Variants in NHS observed in about 807,000 individuals in gnomAD.
NHS encodes the protein actin remodeling regulator NHS.
NHS carries 5 observed loss-of-function variants against 72.5 expected under a neutral mutation model. That is an observed-to-expected ratio of 0.07 (90% CI 0.04 to 0.14). The LOEUF is 0.14. NHS is among the 10% of genes least tolerant of loss of function. The pLI is 1.00. For missense variants in NHS, 1,072 were observed against 1,355.7 expected, an observed-to-expected ratio of 0.79 and a Z score of 3.29; for synonymous variants, 464 against 547.7, an observed-to-expected ratio of 0.85 and a Z score of 2.13.
At chrX:17,626,973 C>T (rs779692192) in intron 1 of NHS, among the ~76,000 whole-genome samples, 1 of 112,316 alleles carries the variant, frequency 8.9e-6, no homozygotes, top group South Asian at 3.7e-4. Context: ...CAAGTCTAAA[C>T]ATTTGATCCC....
chrX:17,564,564 T>C (rs1017293926), intron 1 of NHS, among the ~76,000 whole-genome samples: 1 of 112,260 alleles, frequency 8.9e-6, no homozygotes, highest in Non-Finnish European at 1.9e-5. Context: ...CTGTGTGTGG[T>C]GTGCATGCTA....
chrX:17,419,204 G>T (rs2064611258), intron 1 of NHS, among the ~76,000 whole-genome samples: 2 of 112,479 alleles, frequency 1.8e-5, no homozygotes, highest in African/African-American at 6.5e-5. Context: ...TACTGCTTAC[G>T]GGCAGATCAT....
intron 1 of NHS, among the ~76,000 whole-genome samples, chrX:17,614,317 AGAAG>A (rs1390624176): frequency 8.9e-6 from 1 of 112,081 alleles, no homozygotes; most frequent in Non-Finnish European, 1.9e-5. Context: ...TTCTGAGAGC[AGAAG>A]GAAGGACTTG....
intron 1 of NHS, among the ~76,000 whole-genome samples, chrX:17,640,318 C>T (rs1475533200): frequency 8.9e-6 from 1 of 111,916 alleles, no homozygotes; most frequent in Admixed American, 9.5e-5. Context: ...AAACTCCACT[C>T]TCCTGAAGGG....
At chrX:17,378,927 G>A (rs1316270211) in intron 1 of NHS, among the ~76,000 whole-genome samples, 1 of 111,865 alleles carries the variant, frequency 8.9e-6, no homozygotes, top group African/African-American at 3.3e-5. Context: ...CAGGAATGTT[G>A]ACAGAGGTCC....
At chrX:17,418,062 T>C (rs1284816901) in intron 1 of NHS, among the ~76,000 whole-genome samples, 1 of 111,966 alleles carries the variant, frequency 8.9e-6, no homozygotes, top group Non-Finnish European at 1.9e-5. Context: ...GCTTCATTTT[T>C]ATTATTTATC....
intron 1 of NHS, among the ~76,000 whole-genome samples, chrX:17,583,204 A>G (rs1280353037): frequency 1.8e-5 from 2 of 111,911 alleles, no homozygotes; most frequent in African/African-American, 3.3e-5. Flanking sequence ...CAGGAGATAC[A>G]GGGGTTTGCA....
chrX:17,526,386 T>C (rs1319801065), intron 1 of NHS, among the ~76,000 whole-genome samples: 2 of 112,309 alleles, frequency 1.8e-5, no homozygotes, highest in Non-Finnish European at 3.8e-5. Flanking sequence ...TCTTATCGTC[T>C]AGCAGGCCAG....
intron 1 of NHS, among the ~76,000 whole-genome samples, chrX:17,463,149 A>G (rs751143658): frequency 8.9e-6 from 1 of 112,391 alleles, no homozygotes; most frequent in Non-Finnish European, 1.9e-5. Flanking sequence ...AGCAATTAAA[A>G]TGGACTTAAG....
intron 3 of NHS, among the ~76,000 whole-genome samples, chrX:17,694,872 T>C (rs907612313): frequency 8.9e-6 from 1 of 112,018 alleles, no homozygotes; most frequent in Non-Finnish European, 1.9e-5. Flanking sequence ...CTACAACTTT[T>C]TGGATGTGTG....
intron 1 of NHS, among the ~76,000 whole-genome samples, chrX:17,543,464 C>A (rs1405270671): frequency 1.8e-5 from 2 of 111,748 alleles, no homozygotes; most frequent in Non-Finnish European, 3.8e-5. Context: ...CTGAACCTGA[C>A]GCTACTTAGA....
intron 1 of NHS, among the ~76,000 whole-genome samples, chrX:17,432,722 T>A (rs1429419813): frequency 9.0e-6 from 1 of 111,341 alleles, no homozygotes; most frequent in African/African-American, 3.3e-5. Flanking sequence ...ACAATGTTCT[T>A]AAACCATTAA....
intron 3 of NHS, among the ~76,000 whole-genome samples, chrX:17,697,971 G>A (rs1341316864): frequency 9.2e-6 from 1 of 108,751 alleles, no homozygotes; most frequent in African/African-American, 3.3e-5. Context: ...CCAAAAAATT[G>A]TTTTATATAA....
chrX:17,636,996 T>A (rs1283395677), intron 1 of NHS, among the ~76,000 whole-genome samples: 5 of 111,935 alleles, frequency 4.5e-5, no homozygotes, highest in Non-Finnish European at 9.4e-5. Flanking sequence ...ACCAATCAAA[T>A]CAGAATCTCT....
At chrX:17,413,909 C>T (rs1359557537) in intron 1 of NHS, among the ~76,000 whole-genome samples, 2 of 112,274 alleles carry the variant, frequency 1.8e-5, no homozygotes, top group Admixed American at 1.9e-4. Flanking sequence ...GTAACCAGGT[C>T]CTGCCTTGTA....
intron 1 of NHS, among the ~76,000 whole-genome samples, chrX:17,569,521 T>G (rs756568746): frequency 1.2e-3 from 130 of 112,108 alleles, no homozygotes; most frequent in African/African-American, 3.9e-3. Flanking sequence ...GGTTGTTTGC[T>G]TTTTTCTTGT....
chrX:17,687,874 G>A lies in NHS; in HGVS notation c.698G>A (p.Ser233Asn). 1 of 1,211,875 alleles carries A rather than the reference G, an allele frequency of 8.3e-7. No individual in the cohort carries two copies. The highest frequency in any genetic ancestry group is 1.1e-6 in the Non-Finnish European group (1 of 895,528). Residue 233 changes from serine to asparagine, a missense_variant, in exon 2 of 9, where the codon AGC (serine) becomes AAC (asparagine). Coordinates refer to ENST00000676302, the MANE Select transcript of NHS (RefSeq NM_001291867.2). ...VEELHRHARQ[S>N]LQALRREHRS... is the part of the protein sequence containing the mutation. The stretch of plus-strand genomic sequence containing the variant: ...GAGCTGCACCGCCACGCCCGGCAGA[G>A]CCTGCAAGCCCTGCGCAGAGGTGAC...
chrX:17,464,877 G>A (rs753785042), intron 1 of NHS, among the ~76,000 whole-genome samples: 4 of 112,240 alleles, frequency 3.6e-5, no homozygotes, highest in African/African-American at 9.7e-5. Context: ...TCATGGTAGC[G>A]GTGCATCTGT....
chrX:17,453,760 C>G (rs150672374), intron 1 of NHS, among the ~76,000 whole-genome samples: 159 of 112,076 alleles, frequency 1.4e-3, no homozygotes, highest in Middle Eastern at 4.6e-3. Flanking sequence ...AGGATGTAAT[C>G]CTTTGATGAA....
Sources: gnomAD v4.1 joint callset for allele counts (sites outside exome capture counted in the v4.1 genomes callset) on GRCh38, gnomAD v4.1.1 for gene constraint, MANE v1.5 for transcripts, NCBI Gene and HGNC (gene_info 2026-07-23, HGNC 2026-07-21) for gene names.